ARFGEF2: variants seen among roughly 807,000 people sequenced by gnomAD.
The protein encoded by ARFGEF2 is ARF guanine nucleotide exchange factor 2, also known as brefeldin A-inhibited guanine nucleotide-exchange protein 2.
Under a neutral mutation model 219.9 loss-of-function variants are expected in ARFGEF2, and 74 were observed. The ratio of observed to expected loss-of-function variants is 0.34; its 90% CI spans 0.28 to 0.41. The LOEUF is 0.41. ARFGEF2 is among the 10% of genes least tolerant of loss of function. The pLI, the probability that ARFGEF2 is intolerant of heterozygous loss-of-function variation, is 1.00. For missense variants in ARFGEF2, 1,743 were observed against 2,218.3 expected (o/e 0.79, Z 4.30); for synonymous variants, 733 against 799.2 (o/e 0.92, Z 1.40).
chr20:48,935,322 C>T (rs1246118210), intron 1 of ARFGEF2, among the ~76,000 whole-genome samples: 1 of 152,148 alleles, frequency 6.6e-6, no homozygotes, highest in Non-Finnish European at 1.5e-5. Context: ...CTTCAAGCAT[C>T]TGTTTAACAA....
At chr20:48,945,057 C>T (rs145907643) in intron 3 of ARFGEF2, among the ~76,000 whole-genome samples, 2 of 152,204 alleles carry the variant, frequency 1.3e-5, no homozygotes, top group African/African-American at 4.8e-5. Flanking sequence ...TGTGTTCTCA[C>T]GTGTCATGGA....
intron 35 of ARFGEF2, 38 bp downstream of exon 35, chr20:49,023,219 A>G (rs1194279547): frequency 6.8e-6 from 11 of 1,612,858 alleles, no homozygotes; most frequent in Non-Finnish European, 9.3e-6. Flanking sequence ...ATCCCTGTCC[A>G]TAGGGAGGTT....
At chr20:48,958,463 G>A (rs943743098) in intron 6 of ARFGEF2, among the ~76,000 whole-genome samples, 4 of 150,150 alleles carry the variant, frequency 2.7e-5, no homozygotes, top group African/African-American at 9.8e-5. Context: ...TTGAGACGGA[G>A]TCTCGCTCTG....
chr20:48,998,475 A>G lies in ARFGEF2; in HGVS notation c.3402A>G (p.Ile1134Met). 6.2e-7 allele frequency: 1 copy of G among 1,613,968 alleles called. No individual in the cohort carries two copies. ...GGATCCGACTACAGTGGTCTCGAAT[A>G]TGGCATGTGATTGGAGATCACTTCA... ...MNRIRLQWSR[I>M]WHVIGDHFNK... The change falls in exon 25 of 39, where the codon ATA (isoleucine) becomes ATG (methionine). Residue 1134 changes from isoleucine to methionine, a missense_variant. Ile to Met is a conservative substitution (Grantham distance 10, BLOSUM62 1). This residue lies in a region of ARFGEF2 where 102 missense variants were observed against 146.8 expected (regional missense o/e 0.69). Transcript: ENST00000371917.
intron 12 of ARFGEF2, 65 bp from the exon 13 acceptor site, chr20:48,974,701 C>T (rs2091250135): frequency 1.5e-6 from 2 of 1,336,002 alleles, no homozygotes; most frequent in South Asian, 1.2e-5. Context: ...CCCAGAAAGC[C>T]TCGTAGATGT....
intron 7 of ARFGEF2, among the ~76,000 whole-genome samples, chr20:48,964,626 C>A (rs1487926532): frequency 6.6e-6 from 1 of 152,102 alleles, no homozygotes; most frequent in Non-Finnish European, 1.5e-5. Flanking sequence ...TACAGGGAAG[C>A]TTTGTTTTGT....
chr20:49,007,290 C>CTTTT (rs11483342), intron 26 of ARFGEF2, among the ~76,000 whole-genome samples: 3 of 137,678 alleles, frequency 2.2e-5, no homozygotes, highest in South Asian at 2.3e-4. Flanking sequence ...CAGCCTGGAT[C>CTTTT]TTTTTTTTTT....
At chr20:48,978,007 T>C in intron 14 of ARFGEF2, among the ~76,000 whole-genome samples, 1 of 152,234 alleles carries the variant, frequency 6.6e-6, no homozygotes, top group Non-Finnish European at 1.5e-5. Context: ...CTATTTTGGC[T>C]TTTGTTGCCA....
intron 3 of ARFGEF2, among the ~76,000 whole-genome samples, chr20:48,950,934 C>A (rs2091067181): frequency 6.7e-6 from 1 of 148,276 alleles, no homozygotes. Flanking sequence ...ATTACCACAA[C>A]CTAACTTTAG....
intron 34 of ARFGEF2, 42 bp downstream of exon 34, chr20:49,019,040 T>C (rs1423911818): frequency 6.7e-7 from 1 of 1,484,418 alleles, no homozygotes; most frequent in South Asian, 1.2e-5. Flanking sequence ...GTAACATGTT[T>C]ATGTGATTCA....
rs1427006280 is a variant in ARFGEF2, at chr20:48,921,740, C to G, written c.-150C>G. On this transcript the variant is annotated 5_prime_UTR_variant, in exon 1 of 39. Transcript: ENST00000371917. Reference sequence around the variant, plus strand: ...GGTCACGTGACGCGCTCCAACATGGCGGCGCCGTGGGGCCGAGGTGTCGCT... The same window carrying G: ...GGTCACGTGACGCGCTCCAACATGGGGGCGCCGTGGGGCCGAGGTGTCGCT... The G allele has an allele frequency of 1.3e-6, 1 of 792,428 alleles. No homozygotes were observed. The highest frequency in any genetic ancestry group is 6.1e-5 in the South Asian group (1 of 16,320). The allele number at this position is 792,428 out of a possible 1,614,324, so 49.1% of individuals were successfully genotyped here.
chr20:49,005,305 A>AT, intron 26 of ARFGEF2, 84 bp downstream of exon 26: 2 of 1,540,938 alleles, frequency 1.3e-6, no homozygotes, highest in East Asian at 2.2e-5. Flanking sequence ...CACATGATTA[A>AT]TTTTTTTCCT....
chr20:48,971,479 T>G, intron 10 of ARFGEF2, 125 bp downstream of exon 10: 2 of 899,372 alleles, frequency 2.2e-6, no homozygotes, highest in South Asian at 3.2e-5. Flanking sequence ...CATGAAAATG[T>G]TTCATATCTT....
chr20:49,000,109 A>G (rs1456752919), intron 25 of ARFGEF2, among the ~76,000 whole-genome samples: 2 of 152,194 alleles, frequency 1.3e-5, no homozygotes, highest in Non-Finnish European at 2.9e-5. Context: ...TAGGGAAGAG[A>G]TGGGCACCTC....
chr20:49,001,477 T>C (rs1271526198), intron 25 of ARFGEF2, among the ~76,000 whole-genome samples: 1 of 152,216 alleles, frequency 6.6e-6, no homozygotes, highest in Non-Finnish European at 1.5e-5. Context: ...CTCAGGTTGC[T>C]GGCAGAGTTG....
At chr20:48,986,708 T>G (rs1004231754) in intron 16 of ARFGEF2, among the ~76,000 whole-genome samples, 1 of 152,122 alleles carries the variant, frequency 6.6e-6, no homozygotes, top group Admixed American at 6.5e-5. Context: ...CAGTGGAAAC[T>G]ATTTTTTTTG....
chr20:48,973,014 T>A, intron 11 of ARFGEF2, 131 bp from the exon 12 acceptor site: 1 of 984,254 alleles, frequency 1.0e-6, no homozygotes, highest in Admixed American at 1.9e-5. Flanking sequence ...CCAACATGTG[T>A]TTCCTGAGTG....
At chr20:48,953,290 C>G (rs2091083136) in intron 5 of ARFGEF2, among the ~76,000 whole-genome samples, 1 of 151,706 alleles carries the variant, frequency 6.6e-6, no homozygotes, top group African/African-American at 2.4e-5. Flanking sequence ...ATCTTCCCAC[C>G]TCAACCTCCC....
At chr20:49,013,503 C>G in intron 28 of ARFGEF2, 61 bp from the exon 29 acceptor site, 2 of 1,610,102 alleles carry the variant, frequency 1.2e-6, no homozygotes, top group Non-Finnish European at 1.7e-6. Context: ...CATATAGTTC[C>G]CTTTCAGTTC....
Sources: allele counts gnomAD v4.1 joint callset (sites outside exome capture counted in the v4.1 genomes callset), GRCh38; gene constraint gnomAD v4.1.1; regional missense constraint gnomAD v4.1.1; transcripts MANE v1.5; gene names NCBI Gene and HGNC (gene_info 2026-07-23, HGNC 2026-07-21).